The following RFPL1 variants were observed in gnomAD, a reference collection of about 807,000 sequenced individuals.
RFPL1 encodes the protein ret finger protein-like 1.
RFPL1 carries 6 observed loss-of-function variants against 9.6 expected under a neutral mutation model. The observed-to-expected ratio is 0.62, with a 90% confidence interval of 0.34 to 1.23. RFPL1 has a LOEUF of 1.23. RFPL1 is among the 50% of genes most tolerant of loss of function. The pLI is 0.03. For missense variants in RFPL1, 352 were observed against 398.4 expected (o/e 0.88, Z 0.99); for synonymous variants, 145 against 149.4 (o/e 0.97, Z 0.22).
At chr22:29,410,281 GATCT>G in the RFPL1 span, among the ~76,000 whole-genome samples, 1 of 110,906 alleles carries the variant, frequency 9.0e-6, no homozygotes, top group Non-Finnish European at 1.8e-5. Flanking sequence ...TATATATATA[GATCT>G]ATATATATGT....
In RFPL1 at chr22:29,439,104, G is replaced by T; in HGVS notation, c.313G>T (p.Glu105Ter). The change falls in exon 1 of 2, where the codon GAA (glutamate) becomes TAA (stop). Residue 105 changes from glutamate to a stop codon, truncating the protein, a stop_gained. Transcript: ENST00000354373. LOFTEE classifies it high-confidence loss of function. ...AGAGAGGCTGGCTTCCCACATCAAG[G>T]AACTGGAGCCCAAGCTGAAGAAGAT... 6.2e-7 allele frequency: 1 copy of T among 1,614,132 alleles called. No individual in the cohort carries two copies. Among genetic ancestry groups the T allele is most frequent in the Non-Finnish European group, 8.5e-7 (1 of 1,180,036 alleles).
At chr22:29,397,163 C>T in the RFPL1 span, among the ~76,000 whole-genome samples, 1 of 152,134 alleles carries the variant, frequency 6.6e-6, no homozygotes, top group Admixed American at 6.5e-5. Context: ...CCCACCTCGG[C>T]CTCCCAAAGT....
the RFPL1 span, among the ~76,000 whole-genome samples, chr22:29,429,074 T>C: frequency 2.0e-5 from 3 of 152,178 alleles, no homozygotes; most frequent in Non-Finnish European, 4.4e-5. Context: ...TTTTTTGTTT[T>C]AGATAGGGTC....
At chr22:29,423,513 A>T in the RFPL1 span, among the ~76,000 whole-genome samples, 1 of 152,096 alleles carries the variant, frequency 6.6e-6, no homozygotes, top group African/African-American at 2.4e-5. Flanking sequence ...ACCACACCTG[A>T]TCCCATCAAA....
the RFPL1 span, among the ~76,000 whole-genome samples, chr22:29,429,264 C>G: frequency 6.6e-6 from 1 of 152,054 alleles, no homozygotes; most frequent in Non-Finnish European, 1.5e-5. Context: ...CTATGTTGCC[C>G]GGGCTGGTCC....
In RFPL1 at chr22:29,441,841, C is replaced by T. The variant is rs141088038; in HGVS notation, c.673C>T (p.Arg225Cys). ...GACTGTGAGTTTGAGGGATGGAAGC[C>T]GCCTCTCTGCCAGCACGGTGCCGCT... The change falls in exon 2 of 2, where the codon CGC (arginine) becomes TGC (cysteine). Residue 225 changes from arginine to cysteine, a missense_variant. Transcript: ENST00000354373. 1.3e-4 allele frequency: 203 copies of T among 1,613,800 alleles called. No individual in the cohort carries two copies. The highest frequency in any genetic ancestry group is 2.5e-4 in the Admixed American group (15 of 59,980).
chr22:29,422,451 G>A, the RFPL1 span, among the ~76,000 whole-genome samples: 1 of 152,168 alleles, frequency 6.6e-6, no homozygotes, highest in African/African-American at 2.4e-5. Flanking sequence ...GGTGGTGCAT[G>A]CCTGTAATCC....
exon 2 of RFPL1, chr22:29,442,217 C>T (rs2062844666): frequency 1.2e-6 from 1 of 865,032 alleles, no homozygotes; most frequent in Non-Finnish European, 1.7e-6. Flanking sequence ...TATACAAAGT[C>T]ATAGGAGAAA....
chr22:29,408,950 C>T, the RFPL1 span, among the ~76,000 whole-genome samples: 24,851 of 151,490 alleles, frequency 0.16, 2,191 homozygotes, highest in Non-Finnish European at 0.21. Context: ...TTTTTTATTT[C>T]ACCAAGTGAA....
At chr22:29,411,249 G>A in the RFPL1 span, among the ~76,000 whole-genome samples, 2 of 152,148 alleles carry the variant, frequency 1.3e-5, no homozygotes, top group Non-Finnish European at 1.5e-5. Flanking sequence ...GAGTGATGGA[G>A]ACAATATTGA....
chr22:29,416,740 T>C, the RFPL1 span, among the ~76,000 whole-genome samples: 1 of 152,262 alleles, frequency 6.6e-6, no homozygotes, highest in Middle Eastern at 3.4e-3. Context: ...TGCTAAGAGC[T>C]TTACATGCTT....
the RFPL1 span, among the ~76,000 whole-genome samples, chr22:29,394,038 G>A: frequency 1.3e-5 from 2 of 152,074 alleles, no homozygotes; most frequent in African/African-American, 4.8e-5. Flanking sequence ...TCAAACTCCT[G>A]GCCTCAAGTG....
the RFPL1 span, among the ~76,000 whole-genome samples, chr22:29,420,633 G>GTTTTT: frequency 1.3e-3 from 27 of 20,406 alleles, no homozygotes; most frequent in East Asian, 2.1e-3. Flanking sequence ...ATGGTTTTTT[G>GTTTTT]CTTTTTTTTT....
the RFPL1 span, among the ~76,000 whole-genome samples, chr22:29,414,972 G>A: frequency 2.0e-5 from 3 of 152,226 alleles, no homozygotes; most frequent in Non-Finnish European, 2.9e-5. Context: ...GTGGGTTCAC[G>A]GAATTCACAT....
the RFPL1 span, among the ~76,000 whole-genome samples, chr22:29,415,550 C>T: frequency 7.2e-3 from 1,094 of 152,374 alleles, 14 homozygotes; most frequent in African/African-American, 0.025. Context: ...CAGGGCAAGC[C>T]TAAGCTGCCT....
At chr22:29,405,014 G>A in the RFPL1 span, among the ~76,000 whole-genome samples, 1 of 152,142 alleles carries the variant, frequency 6.6e-6, no homozygotes, top group East Asian at 1.9e-4. Flanking sequence ...ACAGCCATGT[G>A]CCAGGACACC....
chr22:29,437,883 C>G, upstream of RFPL1: 1 of 646,280 alleles, frequency 1.5e-6, no homozygotes, highest in South Asian at 2.1e-5. Flanking sequence ...CACCCTGGAT[C>G]CCCAGATCTC....
chr22:29,410,315 GAT>G, the RFPL1 span, among the ~76,000 whole-genome samples: 16,550 of 82,532 alleles, frequency 0.2, 3,723 homozygotes, highest in African/African-American at 0.5. Flanking sequence ...TCTATATATA[GAT>G]ATATATATGT....
the RFPL1 span, among the ~76,000 whole-genome samples, chr22:29,400,389 A>G: frequency 6.6e-6 from 1 of 152,188 alleles, no homozygotes; most frequent in South Asian, 2.1e-4. Flanking sequence ...GCTGGTCATG[A>G]AAAGAGCTTT....
Sources: allele counts gnomAD v4.1 joint callset (sites outside exome capture counted in the v4.1 genomes callset), GRCh38; gene constraint gnomAD v4.1.1; transcripts MANE v1.5; gene names NCBI Gene and HGNC (gene_info 2026-07-23, HGNC 2026-07-21).